Variants in CNTNAP2 observed in about 807,000 individuals in gnomAD.
CNTNAP2 encodes contactin associated protein 2, also known as contactin-associated protein-like 2.
Under a neutral mutation model 155.2 loss-of-function variants are expected in CNTNAP2, and 98 were observed. The observed-to-expected ratio is 0.63, with a 90% CI of 0.54 to 0.75. The LOEUF is 0.75. Among genes scored for constraint, CNTNAP2 ranks in the 30% least tolerant of loss-of-function variants. The pLI is 0.00. For synonymous variants in CNTNAP2, 651 were observed against 631.2 expected (o/e 1.03, Z -0.47); for missense variants, 1,727 against 1,688.1 (o/e 1.02, Z -0.40).
At chr7:147,400,615 G>A (rs1241552199) in intron 10 of CNTNAP2, among the ~76,000 whole-genome samples, 1 of 152,130 alleles carries the variant, frequency 6.6e-6, no homozygotes. Context: ...GCTGCCAGAG[G>A]AATGTTTTTT....
At position 146,965,528 on chromosome 7, in the gene CNTNAP2, C is replaced by T. The variant is rs183058868; in HGVS notation, c.403-78379C>T. On this transcript the variant is annotated intron_variant, in intron 3 of 23. Transcript: ENST00000361727. ...TGGCGTACACTCTAGCCTAACTAAACATGGGTATTTTGTTGTACTAAATAG... is the reference window on the plus strand; with the variant it reads ...TGGCGTACACTCTAGCCTAACTAAATATGGGTATTTTGTTGTACTAAATAG... Among the ~76,000 whole-genome samples, 623 of 152,000 alleles carry T rather than the reference C, an allele frequency of 4.1e-3. 3 individuals carry two copies. Among genetic ancestry groups the T allele is most frequent in the Middle Eastern group, 6.8e-3 (2 of 292 alleles).
At chr7:148,379,836 C>T (rs1199958566) in intron 21 of CNTNAP2, among the ~76,000 whole-genome samples, 1 of 152,206 alleles carries the variant, frequency 6.6e-6, no homozygotes, top group Non-Finnish European at 1.5e-5. Context: ...TGGCTTTATT[C>T]TCCCAGTGTT....
At chr7:148,394,974 T>A (rs1799434164) in intron 22 of CNTNAP2, among the ~76,000 whole-genome samples, 1 of 152,242 alleles carries the variant, frequency 6.6e-6, no homozygotes, top group Non-Finnish European at 1.5e-5. Flanking sequence ...TCATCTAGGA[T>A]AATACCCGTT....
rs117998162 is a variant in CNTNAP2 at position 147,222,944 on chromosome 7, C to T, written c.1349-77197C>T. Among the ~76,000 whole-genome samples, 1,020 of 151,396 alleles carry T rather than the reference C, an allele frequency of 6.7e-3. 9 individuals carry two copies. The highest frequency in any genetic ancestry group is 0.01 in the Non-Finnish European group (693 of 67,886). ...CCCCAACAGGTTGAATTCTGGTTAA[C>T]CAGTTTCTCCTGAAGGCAGACCTTG... On this transcript the variant is annotated intron_variant, in intron 8 of 23. Coordinates refer to ENST00000361727, the MANE Select transcript of CNTNAP2 (RefSeq NM_014141.6).
chr7:147,360,639 A>G (rs191617798), intron 9 of CNTNAP2, among the ~76,000 whole-genome samples: 3 of 151,028 alleles, frequency 2.0e-5, no homozygotes, highest in Admixed American at 6.6e-5. Flanking sequence ...ATTTCTTTTG[A>G]AAAAAAAACT....
chr7:147,461,515 T>G (rs1798025095), intron 10 of CNTNAP2, among the ~76,000 whole-genome samples: 1 of 152,252 alleles, frequency 6.6e-6, no homozygotes, highest in Admixed American at 6.5e-5. Flanking sequence ...CATCATTTCA[T>G]GACCATTTAT....
chr7:146,381,384 T>A (rs1256746460), intron 1 of CNTNAP2, among the ~76,000 whole-genome samples: 1 of 152,202 alleles, frequency 6.6e-6, no homozygotes, highest in Admixed American at 6.5e-5. Context: ...TTAAATTGGA[T>A]GAGACCATGT....
At chr7:147,594,111 A>G (rs896595301) in intron 12 of CNTNAP2, among the ~76,000 whole-genome samples, 1 of 142,668 alleles carries the variant, frequency 7.0e-6, no homozygotes, top group African/African-American at 2.6e-5. Context: ...AGGATTTGCC[A>G]CCCTCTGGTG....
chr7:146,808,289 T>A (rs964480830), intron 2 of CNTNAP2, among the ~76,000 whole-genome samples: 13 of 152,228 alleles, frequency 8.5e-5, no homozygotes, highest in African/African-American at 3.1e-4. Flanking sequence ...TATTTGTAAT[T>A]TATATTTCAT....
At chr7:148,372,414 A>G (rs926472925) in intron 21 of CNTNAP2, among the ~76,000 whole-genome samples, 1 of 152,050 alleles carries the variant, frequency 6.6e-6, no homozygotes, top group African/African-American at 2.4e-5. Flanking sequence ...TTTCTTTAAT[A>G]ATAAATTAAC....
chr7:147,630,962 C>G (rs7777638), intron 12 of CNTNAP2, among the ~76,000 whole-genome samples: 57,687 of 151,664 alleles, frequency 0.38, 12,877 homozygotes, highest in African/African-American at 0.61. Context: ...AGTACTGGAA[C>G]TCCTAGCTGT....
At chr7:147,381,190 C>T (rs1796528447) in intron 9 of CNTNAP2, among the ~76,000 whole-genome samples, 1 of 152,006 alleles carries the variant, frequency 6.6e-6, no homozygotes, top group Non-Finnish European at 1.5e-5. Flanking sequence ...TTACAAAAAC[C>T]ATAGGAATTG....
At chr7:146,797,669 G>A (rs960950612) in intron 2 of CNTNAP2, among the ~76,000 whole-genome samples, 2 of 152,210 alleles carry the variant, frequency 1.3e-5, no homozygotes, top group Non-Finnish European at 2.9e-5. Context: ...TGACTTCAGA[G>A]ATAGAAAGAT....
Position 148,147,665 on chromosome 7 carries a change from C to T in CNTNAP2, c.2729C>T (p.Thr910Ile), listed in dbSNP as rs2116652718. 1 of 1,613,698 alleles carries T rather than the reference C, an allele frequency of 6.2e-7. No individual in the cohort carries two copies. Among genetic ancestry groups the T allele is most frequent in the South Asian group, 1.1e-5 (1 of 91,066 alleles). Residue 910 changes from threonine to isoleucine, a missense_variant, in exon 17 of 24, where the codon ACA (threonine) becomes ATA (isoleucine). By Grantham distance (89) the Thr-to-Ile change is moderately conservative (BLOSUM62 -1). Coordinates refer to ENST00000361727, the MANE Select transcript of CNTNAP2 (RefSeq NM_014141.6). Reference sequence around the variant, plus strand: ...CCGCAGCAGATCCGCAAGGCCCCAACAGAAGGCCACACCCGCCTGGAGCTC... The same window carrying T: ...CCGCAGCAGATCCGCAAGGCCCCAATAGAAGGCCACACCCGCCTGGAGCTC... ...RLPQQIRKAP[T>I]EGHTRLELYS...
At chr7:146,679,502 C>G (rs1314555868) in intron 1 of CNTNAP2, among the ~76,000 whole-genome samples, 1 of 151,954 alleles carries the variant, frequency 6.6e-6, no homozygotes, top group South Asian at 2.1e-4. Context: ...ATTACAGGCG[C>G]CCGCCAACAC....
chr7:146,279,010 G>A (rs1162262111), intron 1 of CNTNAP2, among the ~76,000 whole-genome samples: 1 of 151,998 alleles, frequency 6.6e-6, no homozygotes, highest in East Asian at 1.9e-4. Flanking sequence ...TTTCTTCGAA[G>A]GTTCTTACTG....
At chr7:146,943,063 C>T (rs1563013859) in intron 3 of CNTNAP2, among the ~76,000 whole-genome samples, 1 of 152,134 alleles carries the variant, frequency 6.6e-6, no homozygotes. Flanking sequence ...CACAGACCCC[C>T]CTGTCATGCA....
At chr7:146,466,598 A>C (rs1275302638) in intron 1 of CNTNAP2, among the ~76,000 whole-genome samples, 1 of 151,820 alleles carries the variant, frequency 6.6e-6, no homozygotes, top group Non-Finnish European at 1.5e-5. Flanking sequence ...AGCTTTCCCC[A>C]ACAATATTTA....
intron 1 of CNTNAP2, among the ~76,000 whole-genome samples, chr7:146,770,675 A>G (rs1585082289): frequency 6.8e-6 from 1 of 146,870 alleles, no homozygotes; most frequent in Admixed American, 6.7e-5. Context: ...ATTTTTAAAA[A>G]TTGATTTGAT....
Sources: gnomAD v4.1 joint callset for allele counts (sites outside exome capture counted in the v4.1 genomes callset) on GRCh38, gnomAD v4.1.1 for gene constraint, MANE v1.5 for transcripts, NCBI Gene and HGNC (gene_info 2026-07-23, HGNC 2026-07-21) for gene names.